Variants in WFDC12 observed in about 807,000 individuals in gnomAD.
WFDC12 encodes WAP four-disulfide core domain protein 12.
A neutral mutation model predicts 7.3 loss-of-function variants in WFDC12; 4 were observed. The ratio of observed to expected loss-of-function variants is 0.55; its 90% CI spans 0.27 to 1.25. The LOEUF is 1.25. Ranked by LOEUF, WFDC12 falls within the 50% of genes most tolerant of loss-of-function variation. WFDC12 has a pLI of 0.12. For synonymous variants in WFDC12, 48 were observed against 49.5 expected (o/e 0.97, Z 0.13); for missense variants, 156 against 134.4 (o/e 1.16, Z -0.80).
chr20:45,124,117 T>G lies in WFDC12; in HGVS notation c.228A>C (p.Glu76Asp), dbSNP rs759936906. 6.2e-7 allele frequency: 1 copy of G among 1,614,060 alleles called. No individual in the cohort carries two copies. Among genetic ancestry groups the G allele is most frequent in the South Asian group, 1.1e-5 (1 of 91,068 alleles). ...CGFKCVIPVK[E>D]LEEGGNKDED... ...GGCAGGTCTCCTTACCTTCTTCCAG[T>G]TCCTTCACAGGAATCACACACTTGA... The change falls in exon 2 of 3, where the codon GAA (glutamate) becomes GAC (aspartate). Residue 76 changes from glutamate (E) to aspartate (D), a missense_variant. By Grantham distance (45) the Glu-to-Asp change is conservative. Transcript: ENST00000372785.
rs1221322123 is a variant in WFDC12 at position 45,124,106 on chromosome 20, C to T, written c.238+1G>A. 1.9e-6 allele frequency: 3 copies of T among 1,613,928 alleles called. No individual in the cohort carries two copies. The highest frequency in any genetic ancestry group is 2.5e-6 in the Non-Finnish European group (3 of 1,179,970). ...CAGCCCTGGGAGGCAGGTCTCCTTA[C>T]CTTCTTCCAGTTCCTTCACAGGAAT... On this transcript the variant is annotated splice_donor_variant, in intron 2 of 2. Transcript: ENST00000372785. LOFTEE classifies it high-confidence loss of function.
Position 45,124,111 on chromosome 20 carries a change from T to C in WFDC12, c.234A>G (p.Glu78=). 6.2e-7 allele frequency: 1 copy of C among 1,614,122 alleles called. No individual in the cohort carries two copies. Among genetic ancestry groups the C allele is most frequent in the Non-Finnish European group, 8.5e-7 (1 of 1,180,002 alleles). ...FKCVIPVKEL[E]EGGNKDEDVS... ...CTGGGAGGCAGGTCTCCTTACCTTC[T>C]TCCAGTTCCTTCACAGGAATCACAC... Residue 78 remains glutamate (E), a synonymous_variant, in exon 2 of 3, where the codon GAA becomes GAG. Transcript: ENST00000372785.
Position 45,124,358 on chromosome 20 carries a change from T to A in WFDC12, c.79+11A>T, listed in dbSNP as rs765874916. 6.4e-7 allele frequency: 1 copy of A among 1,572,080 alleles called. No homozygotes were observed. Among genetic ancestry groups the A allele is most frequent in the Admixed American group, 1.7e-5 (1 of 59,978 alleles). On this transcript the variant is annotated intron_variant, in intron 1 of 2. Transcript: ENST00000372785. ...AGCCCAGCCCCACCCAGCTCCACCA[T>A]GTCTGCTCACCCTCTTTAACTCCTT...
rs752331616 is a variant in WFDC12, at chr20:45,123,896, A to G, written c.286T>C (p.Trp96Arg). 1.9e-6 allele frequency: 3 copies of G among 1,613,606 alleles called. No individual in the cohort carries two copies. The South Asian group carries it at 3.3e-5, about 18-fold the overall frequency. The change falls in exon 3 of 3, where the codon TGG becomes CGG. Residue 96 changes from tryptophan to arginine, a missense_variant. Physicochemically the swap from Trp to Arg is moderately radical, Grantham distance 101. Coordinates refer to ENST00000372785, the MANE Select transcript of WFDC12 (RefSeq NM_080869.2). ...DVSRPYPEPG[W>R]EAKCPGSSST... is the part of the protein sequence containing the mutation. ...GAGGAGCCTGGACACTTGGCCTCCC[A>G]TCCTGGCTCAGGGTATGGCCTTGAC...
chr20:45,123,995 C>A (rs1568802960), intron 2 of WFDC12, 52 bp from the exon 3 acceptor site: 7 of 1,594,826 alleles, frequency 4.4e-6, no homozygotes, highest in Non-Finnish European at 5.1e-6. Context: ...GCCCTGCCAG[C>A]TTTAGCCATC....
chr20:45,123,905 C>G lies in WFDC12; in HGVS notation c.277G>C (p.Glu93Gln), dbSNP rs777101205. The G allele has an allele frequency of 6.2e-7, 1 of 1,613,560 alleles. No individual in the cohort carries two copies. The highest frequency in any genetic ancestry group is 8.5e-7 in the Non-Finnish European group (1 of 1,179,958). ...KDEDVSRPYP[E>Q]PGWEAKCPGS... ...GGACACTTGGCCTCCCATCCTGGCT[C>G]AGGGTATGGCCTTGACACATCTTCA... is the stretch of plus-strand genomic sequence containing the variant. Residue 93 changes from glutamate (E) to glutamine (Q), a missense_variant, in exon 3 of 3, where the codon GAG (glutamate) becomes CAG (glutamine). Transcript: ENST00000372785.
rs771792640 is a variant in WFDC12 at position 45,123,922 on chromosome 20, A to C, written c.260T>G (p.Val87Gly). The part of the protein sequence containing the change: ...LEEGGNKDED[V>G]SRPYPEPGWE... Reference sequence around the variant, plus strand: ...TCCTGGCTCAGGGTATGGCCTTGACACATCTTCATCCTTGTTTCCTCCTTT... The same window carrying C: ...TCCTGGCTCAGGGTATGGCCTTGACCCATCTTCATCCTTGTTTCCTCCTTT... Residue 87 changes from valine to glycine, a missense_variant, in exon 3 of 3, where the codon GTG becomes GGG. Val to Gly is a moderately radical substitution (Grantham distance 109). Transcript: ENST00000372785. The C allele has an allele frequency of 3.1e-6, 5 of 1,613,138 alleles. No homozygotes were observed. Among genetic ancestry groups the C allele is most frequent in the Non-Finnish European group, 4.2e-6 (5 of 1,179,704 alleles).
chr20:45,123,732 G>A lies in WFDC12; in HGVS notation c.*114C>T. On this transcript the variant is annotated 3_prime_UTR_variant, in exon 3 of 3. Transcript: ENST00000372785. ...CTCTTTTTGGGGAAAAGGACTTCAA[G>A]CTCAGGTTTTCTTTGGTGGGGTTGG... 2.7e-6 allele frequency: 3 copies of A among 1,126,644 alleles called. No individual in the cohort carries two copies. The highest frequency in any genetic ancestry group is 3.9e-6 in the Non-Finnish European group (3 of 765,060). The allele number at this position is 1,126,644 out of a possible 1,614,324, so 69.8% of individuals were successfully genotyped here.
In WFDC12 at chr20:45,123,711, T is replaced by C. The variant is rs1981920419; in HGVS notation, c.*135A>G. ...TGGACTTTTTGTGACTCTTCCCTCT[T>C]TTTGGGGAAAAGGACTTCAAGCTCA... On this transcript the variant is annotated 3_prime_UTR_variant, in exon 3 of 3. Coordinates refer to ENST00000372785, the MANE Select transcript of WFDC12 (RefSeq NM_080869.2). The C allele has an allele frequency of 7.5e-6, 7 of 935,652 alleles. No homozygotes were observed. The East Asian group carries it at 1.7e-4, about 22-fold the overall frequency. The allele number at this position is 935,652 out of a possible 1,614,324, so 58.0% of individuals were successfully genotyped here.
At position 45,124,152 on chromosome 20, in the gene WFDC12, GCAGGTAACAACACTTCCTTTCCCCCAGA is replaced by G; in HGVS notation, c.165_192del (p.Leu56ThrfsTer7). Reference sequence around the variant, plus strand: ...GGAATCACACACTTGAAGCCACAGTGCAGGTAACAACACTTCCTTTCCCCCAGACAGTCCTGGTCTGTGTGACACTGGG... The same window carrying G: ...GGAATCACACACTTGAAGCCACAGTGCAGTCCTGGTCTGTGTGACACTGGG... On this transcript the variant is annotated frameshift_variant, in exon 2 of 3. Transcript: ENST00000372785. LOFTEE classifies it low-confidence loss of function (END_TRUNC). 1 of 1,614,212 alleles carries G rather than the reference GCAGGTAACAACACTTCCTTTCCCCCAGA, an allele frequency of 6.2e-7. No individual in the cohort carries two copies. Among genetic ancestry groups the G allele is most frequent in the Non-Finnish European group, 8.5e-7 (1 of 1,180,038 alleles).
At position 45,124,442 on chromosome 20, in the gene WFDC12, C is replaced by A. The variant is rs1375796866; in HGVS notation, c.6G>T (p.Gly2=). The A allele has an allele frequency of 1.2e-6, 2 of 1,614,050 alleles. No homozygotes were observed. The highest frequency in any genetic ancestry group is 2.2e-5 in the South Asian group (2 of 91,076). The change falls in exon 1 of 3, where the codon GGG becomes GGT. Residue 2 remains glycine, a synonymous_variant. Transcript: ENST00000372785. M[G]SSSFLVLMVS... is the part of the protein sequence containing the mutation. ...CCATGAGGACCAAGAAGCTGCTGGACCCCATGTTGCCAGGCAGGTGCTTGG... is the reference window on the plus strand; with the variant it reads ...CCATGAGGACCAAGAAGCTGCTGGAACCCATGTTGCCAGGCAGGTGCTTGG...
chr20:45,123,695 T>G lies in WFDC12; in HGVS notation c.*151A>C. 1.2e-6 allele frequency: 1 copy of G among 820,446 alleles called. No homozygotes were observed. Among genetic ancestry groups the G allele is most frequent in the Non-Finnish European group, 2.0e-6 (1 of 504,642 alleles). The allele number at this position is 820,446 out of a possible 1,614,324, so 50.8% of individuals were successfully genotyped here. A position where few individuals can be genotyped will look rare whatever the true frequency, so the allele number is the denominator to read the frequency against. On this transcript the variant is annotated 3_prime_UTR_variant, in exon 3 of 3. Coordinates refer to ENST00000372785, the MANE Select transcript of WFDC12 (RefSeq NM_080869.2). ...TACCGTCCCTGGGGTCTGGACTTTTTGTGACTCTTCCCTCTTTTTGGGGAA... is the reference window on the plus strand; with the variant it reads ...TACCGTCCCTGGGGTCTGGACTTTTGGTGACTCTTCCCTCTTTTTGGGGAA...
chr20:45,124,333 A>G, intron 1 of WFDC12, 36 bp downstream of exon 1: 1 of 1,592,984 alleles, frequency 6.3e-7, no homozygotes, highest in Non-Finnish European at 8.6e-7. Context: ...ACCTCTCCCC[A>G]GCCCAGCCCC....
chr20:45,123,971 G>T (rs761949987), intron 2 of WFDC12, 28 bp from the exon 3 acceptor site: 13 of 1,598,806 alleles, frequency 8.1e-6, no homozygotes, highest in Non-Finnish European at 1.1e-5. Flanking sequence ...GTTCAGACTA[G>T]GTGGTCTCTG....
chr20:45,123,856 G>A lies in WFDC12; in HGVS notation c.326C>T (p.Pro109Leu). ...AGAAAGGACCCAGCATCATTTCTGA[G>A]GACACCTGGTAGAGGAGGAGCCTGG... ...KCPGSSSTRC[P>L]QK The change falls in exon 3 of 3, where the codon CCT becomes CTT. Residue 109 changes from proline (P) to leucine (L), a missense_variant. Physicochemically the swap from Pro to Leu is moderately conservative, Grantham distance 98 (BLOSUM62 -3). Coordinates refer to ENST00000372785, the MANE Select transcript of WFDC12 (RefSeq NM_080869.2). 6.2e-7 allele frequency: 1 copy of A among 1,613,064 alleles called. No homozygotes were observed. The highest frequency in any genetic ancestry group is 8.5e-7 in the Non-Finnish European group (1 of 1,180,020).
chr20:45,124,202 TG>T lies in WFDC12; in HGVS notation c.142del (p.Gln48SerfsTer24). ...CAGACAGTCCTGGTCTGTGTGACAC[TG>T]GGGAGGATCGGACTTGAAGCAGCGT... The part of the protein sequence containing the change: ...NVRCFKSDPP[Q>X]CHTDQDCLGE... On this transcript the variant is annotated frameshift_variant, in exon 2 of 3. Coordinates refer to ENST00000372785, the MANE Select transcript of WFDC12 (RefSeq NM_080869.2). LOFTEE classifies it high-confidence loss of function. 1 of 1,614,172 alleles carries T rather than the reference TG, an allele frequency of 6.2e-7. No individual in the cohort carries two copies. The highest frequency in any genetic ancestry group is 8.5e-7 in the Non-Finnish European group (1 of 1,180,026).
In WFDC12 at chr20:45,124,038, C is replaced by T. The variant is rs1024480286; in HGVS notation, c.238+69G>A. 1.9e-5 allele frequency: 31 copies of T among 1,608,650 alleles called. No individual in the cohort carries two copies. In the African/African-American group the frequency reaches 2.1e-4, roughly 11 times the overall value. ...ACACCAGCTAAAGGGACTAATTCCT[C>T]CGAACTTTCATGGGTCAGATAGAGG... On this transcript the variant is annotated intron_variant, in intron 2 of 2. Coordinates refer to ENST00000372785, the MANE Select transcript of WFDC12 (RefSeq NM_080869.2).
intron 2 of WFDC12, 64 bp downstream of exon 2, chr20:45,124,043 C>A (rs1033416199): frequency 3.1e-6 from 5 of 1,610,216 alleles, no homozygotes; most frequent in Non-Finnish European, 4.2e-6. Context: ...TTCCTCCGAA[C>A]TTTCATGGGT....
chr20:45,123,600 G>T lies in WFDC12; in HGVS notation c.*246C>A. 1.8e-6 allele frequency: 1 copy of T among 558,352 alleles called. No homozygotes were observed. Among genetic ancestry groups the T allele is most frequent in the Admixed American group, 3.1e-5 (1 of 32,246 alleles). The allele number at this position is 558,352 out of a possible 1,614,324, so 34.6% of individuals were successfully genotyped here. ...GGCAGCTCTTTGGGGTCTCTTATAA[G>T]GGCACTGGTTTCATTCATGAGGGGT... On this transcript the variant is annotated 3_prime_UTR_variant, in exon 3 of 3. Transcript: ENST00000372785.
Sources: gnomAD v4.1 joint callset for allele counts on GRCh38, gnomAD v4.1.1 for gene constraint, MANE v1.5 for transcripts, NCBI Gene and HGNC (gene_info 2026-07-23, HGNC 2026-07-21) for gene names.